The following ANKRD44 variants were observed in gnomAD, a reference collection of about 807,000 sequenced individuals.
ANKRD44 encodes the protein ankyrin repeat domain 44, also known as serine/threonine-protein phosphatase 6 regulatory ankyrin repeat subunit B.
Under a neutral mutation model 116.0 loss-of-function variants are expected in ANKRD44, and 35 were observed. The ratio of observed to expected loss-of-function variants is 0.30; its 90% confidence interval spans 0.23 to 0.40. The LOEUF is 0.40. ANKRD44 is among the 10% of genes least tolerant of loss of function. The pLI is 1.00. For synonymous variants in ANKRD44, 435 were observed against 461.8 expected (o/e 0.94, Z 0.74); for missense variants, 1,014 against 1,242.6 (o/e 0.82, Z 2.77).
intron 9 of ANKRD44, among the ~76,000 whole-genome samples, chr2:197,105,778 C>T (rs959766864): frequency 2.0e-5 from 3 of 152,158 alleles, no homozygotes; most frequent in African/African-American, 7.2e-5. Flanking sequence ...GCAGCCACCT[C>T]GTCCCCACAG....
At chr2:196,968,295 G>A (rs2075689497) in intron 21 of ANKRD44, among the ~76,000 whole-genome samples, 1 of 152,182 alleles carries the variant, frequency 6.6e-6, no homozygotes, top group South Asian at 2.1e-4. Flanking sequence ...ACTGAAATTG[G>A]CTCCAGGAAT....
At chr2:197,305,502 A>C (rs905696196) in intron 1 of ANKRD44, among the ~76,000 whole-genome samples, 5 of 152,248 alleles carry the variant, frequency 3.3e-5, no homozygotes, top group African/African-American at 1.2e-4. Context: ...AATCTTTTTA[A>C]AGAATCTTTC....
In ANKRD44 at chr2:196,995,343, C is replaced by A. The variant is rs769431052; in HGVS notation, c.2831+36G>T. 2.0e-6 allele frequency: 3 copies of A among 1,478,428 alleles called. No individual in the cohort carries two copies. In the African/African-American group the frequency reaches 4.2e-5, roughly 21 times the overall value. 91.6% of individuals were successfully genotyped at this position (1,478,428 alleles called of 1,614,324 possible). On this transcript the variant is annotated intron_variant, in intron 26 of 27. Transcript: ENST00000282272. ...TACTTATTGAATAAATGACTATGAC[C>A]CTGGGTTCAAGTCCAACTTTAGTAG...
chr2:197,001,705 G>A (rs752248509), intron 22 of ANKRD44, 48 bp downstream of exon 22: 7 of 1,431,048 alleles, frequency 4.9e-6, no homozygotes, highest in Non-Finnish European at 6.8e-6. Flanking sequence ...TCTATGTGTA[G>A]TTAAAATCAT....
At chr2:197,035,733 C>T (rs2076795019) in intron 16 of ANKRD44, among the ~76,000 whole-genome samples, 1 of 152,072 alleles carries the variant, frequency 6.6e-6, no homozygotes, top group East Asian at 1.9e-4. Context: ...CTCAGGGCCA[C>T]TTCTGTGTCA....
At chr2:197,094,267 A>G (rs2078110678) in intron 10 of ANKRD44, among the ~76,000 whole-genome samples, 2 of 152,202 alleles carry the variant, frequency 1.3e-5, no homozygotes, top group African/African-American at 2.4e-5. Context: ...GCCACTTGCT[A>G]TCTACTTCAC....
At chr2:197,006,798 T>C (rs1329080751) in intron 20 of ANKRD44, among the ~76,000 whole-genome samples, 2 of 152,106 alleles carry the variant, frequency 1.3e-5, no homozygotes, top group Non-Finnish European at 1.5e-5. Flanking sequence ...ACTTAGTTTA[T>C]TTGGCATGCT....
chr2:197,174,054 C>G (rs536171875), intron 2 of ANKRD44, among the ~76,000 whole-genome samples: 1 of 152,042 alleles, frequency 6.6e-6, no homozygotes, highest in East Asian at 1.9e-4. Context: ...AATAAATAAA[C>G]AAACAAACAA....
intron 1 of ANKRD44, among the ~76,000 whole-genome samples, chr2:197,285,763 C>T (rs1352899682): frequency 6.6e-6 from 1 of 152,084 alleles, no homozygotes; most frequent in East Asian, 1.9e-4. Context: ...AACATAAAAC[C>T]TCATTATGGT....
intron 1 of ANKRD44, among the ~76,000 whole-genome samples, chr2:197,272,594 T>C (rs1488402011): frequency 1.3e-5 from 2 of 152,250 alleles, no homozygotes; most frequent in East Asian, 1.9e-4. Flanking sequence ...CCAAATGGAC[T>C]AATACAATGG....
intron 16 of ANKRD44, among the ~76,000 whole-genome samples, chr2:197,026,132 A>T (rs1281587822): frequency 6.6e-6 from 1 of 152,046 alleles, no homozygotes; most frequent in East Asian, 1.9e-4. Flanking sequence ...ATGAGTGCAC[A>T]ATAGTGCATA....
chr2:197,187,216 G>T (rs1317920576), intron 1 of ANKRD44, 110 bp from the exon 2 acceptor site: 16 of 1,064,828 alleles, frequency 1.5e-5, no homozygotes, highest in Non-Finnish European at 2.0e-5. Flanking sequence ...ACCATTATCA[G>T]TTGGCAGACA....
chr2:197,265,594 T>C (rs2082721471), intron 1 of ANKRD44, among the ~76,000 whole-genome samples: 1 of 152,170 alleles, frequency 6.6e-6, no homozygotes, highest in South Asian at 2.1e-4. Context: ...CTTTTTTTTC[T>C]TTACTGTCTC....
chr2:197,119,207 CT>C (rs201029710), intron 8 of ANKRD44, among the ~76,000 whole-genome samples: 44 of 150,566 alleles, frequency 2.9e-4, no homozygotes, highest in African/African-American at 3.2e-4. Flanking sequence ...GATTATTTTC[CT>C]TTTTTTTTCC....
intron 16 of ANKRD44, among the ~76,000 whole-genome samples, chr2:197,070,255 T>C (rs2077531077): frequency 6.6e-6 from 1 of 152,212 alleles, no homozygotes; most frequent in South Asian, 2.1e-4. Flanking sequence ...CTAATTGTTC[T>C]GGCTAGAACT....
intron 16 of ANKRD44, among the ~76,000 whole-genome samples, chr2:197,073,376 C>T (rs914328421): frequency 6.6e-6 from 1 of 152,210 alleles, no homozygotes; most frequent in African/African-American, 2.4e-5. Flanking sequence ...GGTCTCCTGA[C>T]TCTTCCACGC....
At chr2:197,131,294 C>T (rs974415820) in intron 4 of ANKRD44, among the ~76,000 whole-genome samples, 1 of 151,474 alleles carries the variant, frequency 6.6e-6, no homozygotes, top group Non-Finnish European at 1.5e-5. Context: ...CGGGTTCACG[C>T]CATTCTCCTG....
chr2:197,229,039 C>T (rs1440904213), intron 1 of ANKRD44, among the ~76,000 whole-genome samples: 1 of 152,158 alleles, frequency 6.6e-6, no homozygotes, highest in East Asian at 1.9e-4. Flanking sequence ...CTATCACACA[C>T]ACACAAAAAG....
intron 4 of ANKRD44, chr2:197,133,953 T>TC (rs1165996403): frequency 8.7e-5 from 2 of 22,988 alleles, no homozygotes; most frequent in Admixed American, 4.4e-4. Context: ...CTTTCTTTTT[T>TC]TTTTTTTTTT....
Sources: gnomAD v4.1 joint callset for allele counts (sites outside exome capture counted in the v4.1 genomes callset) on GRCh38, gnomAD v4.1.1 for gene constraint, MANE v1.5 for transcripts, NCBI Gene and HGNC (gene_info 2026-07-23, HGNC 2026-07-21) for gene names.